RCAN1: variants seen among roughly 807,000 people sequenced by gnomAD.
RCAN1 encodes the protein calcipressin-1.
RCAN1 carries 11 observed loss-of-function variants against 22.9 expected under a neutral mutation model. The ratio of observed to expected loss-of-function variants is 0.48; its 90% CI spans 0.30 to 0.79. RCAN1 has a LOEUF of 0.79. RCAN1 is among the 30% of genes least tolerant of loss of function. RCAN1 has a pLI of 0.06. For synonymous variants in RCAN1, 136 were observed against 142.3 expected (o/e 0.96, Z 0.32); for missense variants, 291 against 337.8 (o/e 0.86, Z 1.09).
At chr21:34,604,812 A>G (rs1465036392) in intron 1 of RCAN1, among the ~76,000 whole-genome samples, 1 of 152,220 alleles carries the variant, frequency 6.6e-6, no homozygotes, top group African/African-American at 2.4e-5. Context: ...GGGGCCCCAC[A>G]GCTGGTTTTG....
At chr21:34,562,531 C>T (rs1192782237) in intron 1 of RCAN1, among the ~76,000 whole-genome samples, 1 of 152,142 alleles carries the variant, frequency 6.6e-6, no homozygotes, top group Admixed American at 6.5e-5. Context: ...CCAAGGTGCT[C>T]TCACTCACCT....
chr21:34,594,487 G>A (rs2018742), intron 1 of RCAN1, among the ~76,000 whole-genome samples: 85,367 of 151,890 alleles, frequency 0.56, 24,472 homozygotes, highest in East Asian at 0.79. Context: ...AGGAGGCGGA[G>A]GTTGCATTGA....
In RCAN1 at chr21:34,612,306, G is replaced by A. The variant is rs142891362; in HGVS notation, c.252+2454C>T. Among the ~76,000 whole-genome samples the A allele has an allele frequency of 4.0e-3, 603 of 152,228 alleles. 4 individuals carry two copies. Among genetic ancestry groups the A allele is most frequent in the African/African-American group, 7.9e-3 (330 of 41,524 alleles). ...GCTTATCCAACCTCAGCTACCAATC[G>A]CCTCTCTGTCTCTCATGCAACCCTT... On this transcript the variant is annotated intron_variant, in intron 1 of 3. Transcript: ENST00000313806.
chr21:34,533,809 C>T (rs1447568039), intron 1 of RCAN1, among the ~76,000 whole-genome samples: 1 of 152,174 alleles, frequency 6.6e-6, no homozygotes, highest in African/African-American at 2.4e-5. Flanking sequence ...CATGCGAGTG[C>T]ATGAGGACCT....
intron 1 of RCAN1, among the ~76,000 whole-genome samples, chr21:34,571,653 T>A (rs1043241321): frequency 6.6e-6 from 1 of 152,160 alleles, no homozygotes; most frequent in Non-Finnish European, 1.5e-5. Context: ...CTTCCCAGGC[T>A]CGGGTGATCC....
At chr21:34,533,662 A>C (rs780414631) in intron 1 of RCAN1, among the ~76,000 whole-genome samples, 1 of 152,238 alleles carries the variant, frequency 6.6e-6, no homozygotes, top group Non-Finnish European at 1.5e-5. Flanking sequence ...AAAAGACACA[A>C]AACAAGATAG....
chr21:34,542,321 C>G (rs1385781557), intron 1 of RCAN1, among the ~76,000 whole-genome samples: 1 of 152,058 alleles, frequency 6.6e-6, no homozygotes, highest in Non-Finnish European at 1.5e-5. Context: ...GAAAAGACAC[C>G]AAGTTTAGGT....
At chr21:34,530,651 T>G (rs1214065685) in intron 1 of RCAN1, among the ~76,000 whole-genome samples, 1 of 135,242 alleles carries the variant, frequency 7.4e-6, no homozygotes, top group Non-Finnish European at 1.6e-5. Flanking sequence ...TTTGAGACAG[T>G]TTTGCTCTTG....
intron 1 of RCAN1, among the ~76,000 whole-genome samples, chr21:34,564,557 C>T (rs1347897024): frequency 6.6e-6 from 1 of 151,972 alleles, no homozygotes; most frequent in East Asian, 1.9e-4. Flanking sequence ...GCAAGGAGGG[C>T]CAGGCCAGTG....
Position 34,586,001 on chromosome 21 carries a change from A to G in RCAN1, c.252+28759T>C, listed in dbSNP as rs1987781451. ...TTTGCCAGGCTGATACAACAATCCT[A>G]AATCTGTATATATCCAATAATATAG... is the stretch of plus-strand genomic sequence containing the variant. On this transcript the variant is annotated intron_variant, in intron 1 of 3. Transcript: ENST00000313806. 2.0e-5 allele frequency among the ~76,000 whole-genome samples: 3 copies of G among 152,318 alleles called. No individual in the cohort carries two copies. The South Asian group carries it at 6.2e-4, about 32-fold the overall frequency.
chr21:34,603,941 T>C (rs1476255409), intron 1 of RCAN1, among the ~76,000 whole-genome samples: 1 of 152,236 alleles, frequency 6.6e-6, no homozygotes, highest in African/African-American at 2.4e-5. Flanking sequence ...TTCACTTGGA[T>C]GACAGGCATA....
At chr21:34,579,736 T>C (rs76645955) in intron 1 of RCAN1, among the ~76,000 whole-genome samples, 2,233 of 152,158 alleles carry the variant, frequency 0.015, 51 homozygotes, top group East Asian at 0.092. Flanking sequence ...TTCGAGAGTC[T>C]CAAAATAGAC....
intron 1 of RCAN1, among the ~76,000 whole-genome samples, chr21:34,541,150 T>A (rs1985894750): frequency 1.3e-5 from 2 of 152,056 alleles, no homozygotes; most frequent in South Asian, 4.1e-4. Flanking sequence ...ATATAAATGA[T>A]CTCTCTTGTG....
intron 1 of RCAN1, among the ~76,000 whole-genome samples, chr21:34,565,130 A>T (rs1308667863): frequency 6.6e-6 from 1 of 152,190 alleles, no homozygotes; most frequent in Non-Finnish European, 1.5e-5. Flanking sequence ...CCAGGAAGTC[A>T]AAGTCAACAA....
In RCAN1 at chr21:34,561,389, T is replaced by A. The variant is rs1275433340; in HGVS notation, c.253-37679A>T. 9.9e-5 allele frequency among the ~76,000 whole-genome samples: 15 copies of A among 152,184 alleles called. No homozygotes were observed. In the East Asian group the frequency reaches 2.9e-3, roughly 29 times the overall value. On this transcript the variant is annotated intron_variant, in intron 1 of 3. Transcript: ENST00000313806. ...AAGTGGTTACTTTAAAACTTTATTTTTAGTACAAGGGAAAATGATCCCAAA... is the reference window on the plus strand; with the variant it reads ...AAGTGGTTACTTTAAAACTTTATTTATAGTACAAGGGAAAATGATCCCAAA...
At chr21:34,607,156 G>C (rs1485476461) in intron 1 of RCAN1, among the ~76,000 whole-genome samples, 1 of 152,154 alleles carries the variant, frequency 6.6e-6, no homozygotes, top group Admixed American at 6.6e-5. Flanking sequence ...GTTATAAAAG[G>C]TTTAGCTTCC....
chr21:34,578,121 C>G (rs988210812), intron 1 of RCAN1, among the ~76,000 whole-genome samples: 2 of 146,044 alleles, frequency 1.4e-5, no homozygotes, highest in African/African-American at 4.9e-5. Flanking sequence ...CAGAGGACAA[C>G]CAGCATGAAG....
In RCAN1 at chr21:34,592,243, C is replaced by G. The variant is rs559099068; in HGVS notation, c.252+22517G>C. On this transcript the variant is annotated intron_variant, in intron 1 of 3. Transcript: ENST00000313806. ...CACAGCCCACCTGGGCACCTGGCAT[C>G]AAGGCCACCCTCTGCCCTGGTCTGC... 1.0e-3 allele frequency among the ~76,000 whole-genome samples: 158 copies of G among 152,356 alleles called. 2 individuals carry two copies. The highest frequency in any genetic ancestry group is 3.7e-3 in the African/African-American group (155 of 41,584).
Position 34,518,203 on chromosome 21 carries a change from G to A in RCAN1, c.640C>T (p.His214Tyr). The change falls in exon 4 of 4, where the codon CAT becomes TAT. Residue 214 changes from histidine to tyrosine, a missense_variant. Transcript: ENST00000313806. The surrounding 1 kb of genome is among the most constrained non-coding windows in gnomAD (Gnocchi z 4.2). Reference protein sequence around the residue: ...ATDTTPSVVVHVCESDQEKEE... With the variant: ...ATDTTPSVVVYVCESDQEKEE... ...TTCTCTTGATCACTCTCACATACATGGACCACCACGCTGGGAGTGGTGTCA... is the reference window on the plus strand; with the variant it reads ...TTCTCTTGATCACTCTCACATACATAGACCACCACGCTGGGAGTGGTGTCA... The A allele has an allele frequency of 6.2e-7, 1 of 1,614,040 alleles. No homozygotes were observed. The highest frequency in any genetic ancestry group is 8.5e-7 in the Non-Finnish European group (1 of 1,180,016).
Sources: gnomAD v4.1 joint callset for allele counts (sites outside exome capture counted in the v4.1 genomes callset) on GRCh38, gnomAD v4.1.1 for gene constraint, Gnocchi (gnomAD v3.1) non-coding constraint, MANE v1.5 for transcripts, NCBI Gene and HGNC (gene_info 2026-07-23, HGNC 2026-07-21) for gene names.